The following TAF5L variants were observed in gnomAD, a reference collection of about 807,000 sequenced individuals.
TAF5L encodes the protein TATA-box binding protein associated factor 5 like.
A neutral mutation model predicts 51.3 loss-of-function variants in TAF5L; 7 were observed. The observed-to-expected ratio is 0.14, with a 90% CI of 0.08 to 0.26. TAF5L has a LOEUF of 0.26. Among genes scored for constraint, TAF5L ranks in the 10% least tolerant of loss-of-function variants. TAF5L has a pLI of 1.00. For missense variants in TAF5L, 575 were observed against 758.9 expected (o/e 0.76, Z 2.85); for synonymous variants, 291 against 308.1 (o/e 0.94, Z 0.58).
At chr1:229,601,150 G>T in intron 4 of TAF5L, 1 of 985,138 alleles carries the variant, frequency 1.0e-6, no homozygotes, top group Non-Finnish European at 1.2e-6. Flanking sequence ...ATACTGTCTC[G>T]GTTGCAAGAA....
intron 1 of TAF5L, among the ~76,000 whole-genome samples, chr1:229,618,821 A>G (rs1665100690): frequency 6.6e-6 from 1 of 151,888 alleles, no homozygotes; most frequent in South Asian, 2.1e-4. Context: ...CTCATCCACC[A>G]TATCACAGGT....
chr1:229,599,318 C>A, intron 4 of TAF5L: 1 of 503,076 alleles, frequency 2.0e-6, no homozygotes, highest in Non-Finnish European at 2.6e-6. Flanking sequence ...CTATATAATT[C>A]TTTCAAAGTG....
At chr1:229,601,211 C>A (rs1218190055) in intron 4 of TAF5L, 1 of 985,220 alleles carries the variant, frequency 1.0e-6, no homozygotes, top group Non-Finnish European at 1.2e-6. Flanking sequence ...AAAACAGGAA[C>A]AGGAAAACAA....
chr1:229,608,633 T>TA (rs1194257050), intron 3 of TAF5L, among the ~76,000 whole-genome samples: 1 of 152,134 alleles, frequency 6.6e-6, no homozygotes, highest in African/African-American at 2.4e-5. Context: ...TTTACTCAGT[T>TA]AAAAAAATAT....
At chr1:229,599,531 AC>A (rs1250766526) in intron 4 of TAF5L, 10 of 155,078 alleles carry the variant, frequency 6.4e-5, no homozygotes, top group African/African-American at 1.9e-4. Context: ...GAAAGGAATA[AC>A]AGTAGGTGAC....
chr1:229,601,651 C>T (rs528662311), intron 4 of TAF5L: 1 of 986,986 alleles, frequency 1.0e-6, no homozygotes, highest in African/African-American at 1.7e-5. Context: ...CCCCGGGGTA[C>T]ATGGAGCCAC....
intron 3 of TAF5L, among the ~76,000 whole-genome samples, chr1:229,605,180 A>G (rs1664545649): frequency 6.6e-6 from 1 of 151,372 alleles, no homozygotes; most frequent in Non-Finnish European, 1.5e-5. Context: ...GTTGGTCTTG[A>G]GCTCCTGACT....
At chr1:229,608,905 G>A (rs528074170) in intron 3 of TAF5L, among the ~76,000 whole-genome samples, 9 of 152,218 alleles carry the variant, frequency 5.9e-5, no homozygotes, top group African/African-American at 2.2e-4. Flanking sequence ...TCAGGAGGCC[G>A]AGATGGGAGG....
chr1:229,594,444 G>A lies in TAF5L; in HGVS notation c.1623C>T (p.Asn541=), dbSNP rs1043704853. The A allele has an allele frequency of 1.2e-6, 2 of 1,614,176 alleles. No homozygotes were observed. Among genetic ancestry groups the A allele is most frequent in the East Asian group, 2.2e-5 (1 of 44,876 alleles). The change falls in exon 5 of 5, where the codon AAC becomes AAT. Residue 541 remains asparagine, a synonymous_variant. Transcript: ENST00000258281. This position sits in a 1 kb window ranked among gnomAD's most constrained non-coding sequence, Gnocchi z 7.9. ...CGTCGGCAGGTGCACTGCAGTAAGT[G>A]TTCCTGATGTCCCAGACGCGCACCG...
intron 1 of TAF5L, among the ~76,000 whole-genome samples, chr1:229,618,443 T>C (rs1417183377): frequency 6.6e-6 from 1 of 152,258 alleles, no homozygotes; most frequent in Non-Finnish European, 1.5e-5. Context: ...TCTATTCTCA[T>C]GTATCAACAG....
At chr1:229,609,699 CATTTCAA>C (rs1664720905) in intron 3 of TAF5L, among the ~76,000 whole-genome samples, 1 of 152,198 alleles carries the variant, frequency 6.6e-6, no homozygotes, top group Admixed American at 6.5e-5. Context: ...ATGTCATGTA[CATTTCAA>C]ATGTGCTGTA....
chr1:229,612,550 A>G (rs533306278), intron 2 of TAF5L, among the ~76,000 whole-genome samples: 1 of 152,354 alleles, frequency 6.6e-6, no homozygotes, highest in South Asian at 2.1e-4. Flanking sequence ...GGTCAAGGGT[A>G]TCTCTGAGGA....
intron 1 of TAF5L, among the ~76,000 whole-genome samples, chr1:229,618,878 C>A (rs1003999479): frequency 1.3e-5 from 2 of 152,166 alleles, no homozygotes; most frequent in Non-Finnish European, 2.9e-5. Flanking sequence ...TACTACCTGG[C>A]TCCCCCATCC....
chr1:229,621,067 G>C (rs112571265), intron 1 of TAF5L, among the ~76,000 whole-genome samples: 1,948 of 152,266 alleles, frequency 0.013, 42 homozygotes, highest in African/African-American at 0.045. Flanking sequence ...CGGAGGTGTT[G>C]TAAGTCTGCA....
chr1:229,625,727 G>GC lies in TAF5L; in HGVS notation c.-4+157dup, dbSNP rs1398287027. Among the ~76,000 whole-genome samples, 1 of 104,152 alleles carries GC rather than the reference G, an allele frequency of 9.6e-6. No homozygotes were observed. The highest frequency in any genetic ancestry group is 3.6e-5 in the African/African-American group (1 of 27,744). 68.3% of individuals were successfully genotyped at this position (104,152 alleles called of 152,430 possible). A position where few individuals can be genotyped will look rare whatever the true frequency, so the allele number is the denominator to read the frequency against. ...TCGCGCCCGCGCAGAGCCGCCCGCC[G>GC]CCCCCCAGCCCCGCCTCCCGCGCCC... is the stretch of plus-strand genomic sequence containing the variant. On this transcript the variant is annotated intron_variant, in intron 1 of 4. Transcript: ENST00000258281. The surrounding 1 kb of genome is among the most constrained non-coding windows in gnomAD (Gnocchi z 4.0).
intron 4 of TAF5L, chr1:229,600,752 GACAAGCCACA>G (rs1664344075): frequency 1.0e-6 from 1 of 985,226 alleles, no homozygotes. Context: ...ATAAACATAG[GACAAGCCACA>G]GAGCTAGTTA....
intron 1 of TAF5L, among the ~76,000 whole-genome samples, chr1:229,616,605 G>A (rs1665013630): frequency 6.6e-6 from 1 of 151,916 alleles, no homozygotes; most frequent in Non-Finnish European, 1.5e-5. Flanking sequence ...CAAATGTTTT[G>A]CCCAGTGACT....
chr1:229,618,667 C>T (rs886919291), intron 1 of TAF5L, among the ~76,000 whole-genome samples: 3 of 152,174 alleles, frequency 2.0e-5, no homozygotes, highest in African/African-American at 7.2e-5. Context: ...TACATGGAAC[C>T]CAGGCATCCT....
At chr1:229,593,546 C>T (rs1395398663) in exon 5 of TAF5L, 1 of 152,144 alleles carries the variant, frequency 6.6e-6, no homozygotes, top group African/African-American at 2.4e-5. Flanking sequence ...CACCCACCCA[C>T]TTCCAGAAAC....
Sources: allele counts gnomAD v4.1 joint callset (sites outside exome capture counted in the v4.1 genomes callset), GRCh38; gene constraint gnomAD v4.1.1; non-coding constraint Gnocchi (gnomAD v3.1); transcripts MANE v1.5; gene names NCBI Gene and HGNC (gene_info 2026-07-23, HGNC 2026-07-21).